Variants in GJA5 observed in about 807,000 individuals in gnomAD.
GJA5 encodes gap junction protein alpha 5.
A neutral mutation model predicts 7.9 loss-of-function variants in GJA5; 3 were observed. The observed-to-expected ratio is 0.38, with a 90% confidence interval of 0.17 to 0.99. The LOEUF (loss-of-function observed/expected upper bound fraction) is 0.99, where lower values mean the gene tolerates loss of function less well. Among genes scored for constraint, GJA5 ranks in the 50% least tolerant of loss-of-function variants. The pLI is 0.38. For missense variants in GJA5, 390 were observed against 457.9 expected (o/e 0.85, Z 1.35); for synonymous variants, 193 against 181.0 (o/e 1.07, Z -0.53).
chr1:147,770,152 C>T (rs1664343984), intron 1 of GJA5, among the ~76,000 whole-genome samples: 2 of 152,114 alleles, frequency 1.3e-5, no homozygotes, highest in East Asian at 1.9e-4. Context: ...GAGTAAGATT[C>T]GGGAAATCCC....
upstream of GJA5, among the ~76,000 whole-genome samples, chr1:147,764,281 C>A (rs2148962157): frequency 6.6e-6 from 1 of 152,320 alleles, no homozygotes; most frequent in East Asian, 1.9e-4. Flanking sequence ...TCTTTGGTGT[C>A]CCCTGAACTC....
Position 147,758,940 on chromosome 1 carries a change from A to C in GJA5, c.299T>G (p.Val100Gly), listed in dbSNP as rs138375318. ...LVYMGHAMHT[V>G]RMQEKRKLRE... ...TAGCTTGCGCTTCTCCTGCATGCGC[A>C]CAGTGTGCATGGCGTGGCCCATGTA... The change falls in exon 2 of 2, where the codon GTG (valine) becomes GGG (glycine). Residue 100 changes from valine (V) to glycine (G), a missense_variant. Physicochemically the swap from Val to Gly is moderately radical, Grantham distance 109. This residue lies in a region of GJA5 where 354 missense variants were observed against 370.9 expected (regional missense o/e 0.95). Coordinates refer to ENST00000579774, the MANE Select transcript of GJA5 (RefSeq NM_181703.4). 28 of 1,614,126 alleles carry C rather than the reference A, an allele frequency of 1.7e-5. No individual in the cohort carries two copies. In the African/African-American group the frequency reaches 2.5e-4, roughly 15 times the overall value.
Position 147,758,590 on chromosome 1 carries a change from G to A in GJA5, c.649C>T (p.Leu217=). 1.2e-6 allele frequency: 2 copies of A among 1,614,116 alleles called. No individual in the cohort carries two copies. The highest frequency in any genetic ancestry group is 1.7e-6 in the Non-Finnish European group (2 of 1,179,980). The stretch of plus-strand genomic sequence containing the variant: ...TCAGCCAGGCTAAGGAGGAGGGACA[G>A]TGCAGCCACAGCCAGCATAAAGACA... ...FIVFMLAVAA[L]SLLLSLAELY... Residue 217 remains leucine, a synonymous_variant, in exon 2 of 2, where the codon CTG becomes TTG. Coordinates refer to ENST00000579774, the MANE Select transcript of GJA5 (RefSeq NM_181703.4).
At chr1:147,765,866 C>A (rs587624521) in intron 1 of GJA5, among the ~76,000 whole-genome samples, 1 of 152,226 alleles carries the variant, frequency 6.6e-6, no homozygotes, top group African/African-American at 2.4e-5. Flanking sequence ...GCAGCATCAA[C>A]TAGGTAGGCT....
intron 1 of GJA5, among the ~76,000 whole-genome samples, chr1:147,769,273 C>T (rs587745675): frequency 1.3e-5 from 2 of 152,340 alleles, no homozygotes; most frequent in African/African-American, 4.8e-5. Context: ...AAACAGCAGG[C>T]TCTGGTGTTC....
In GJA5 at chr1:147,759,296, G is replaced by C. The variant is rs1339851844; in HGVS notation, c.-33-25C>G. On this transcript the variant is annotated intron_variant, in intron 1 of 1. Transcript: ENST00000579774. The stretch of plus-strand genomic sequence containing the variant: ...TCTGCAAATGGGAGAGAGAGAAAGA[G>C]AGAAAAGAAGAAGGATGTTCTGTGA... 2.7e-6 allele frequency: 3 copies of C among 1,119,244 alleles called. No homozygotes were observed. The Admixed American group carries it at 5.0e-5, about 19-fold the overall frequency. The allele number at this position is 1,119,244 out of a possible 1,614,324, so 69.3% of individuals were successfully genotyped here. A position where few individuals can be genotyped will look rare whatever the true frequency, so the allele number is the denominator to read the frequency against.
chr1:147,766,295 A>G (rs1384271483), intron 1 of GJA5, among the ~76,000 whole-genome samples: 6 of 152,196 alleles, frequency 3.9e-5, no homozygotes, highest in Admixed American at 3.3e-4. Context: ...ACAGTGTGGT[A>G]TGTACTTTAT....
At chr1:147,768,831 A>C (rs1664300884) in intron 1 of GJA5, among the ~76,000 whole-genome samples, 1 of 152,236 alleles carries the variant, frequency 6.6e-6, no homozygotes, top group African/African-American at 2.4e-5. Context: ...TAAGTGCCAC[A>C]ACTGGCAAAT....
chr1:147,766,349 A>C (rs2148963256), intron 1 of GJA5, among the ~76,000 whole-genome samples: 1 of 152,320 alleles, frequency 6.6e-6, no homozygotes, highest in African/African-American at 2.4e-5. Flanking sequence ...GTCTCTCAAA[A>C]CACCTAATGC....
chr1:147,762,673 C>T (rs1442547988), upstream of GJA5, among the ~76,000 whole-genome samples: 5 of 152,178 alleles, frequency 3.3e-5, no homozygotes, highest in Admixed American at 1.3e-4. Flanking sequence ...TTCCTGCTGA[C>T]GCTCAGGCAA....
rs1350829557 is a variant in GJA5 at position 147,759,209 on chromosome 1, G to A, written c.30C>T (p.Phe10=). MGDWSFLGN[F]LEEVHKHSTV... is the part of the protein sequence containing the mutation. ...TCGAGTGCTTGTGTACTTCCTCCAG[G>A]AAATTTCCCAGGAAGCTCCAATCGC... The change falls in exon 2 of 2, where the codon TTC becomes TTT. Residue 10 remains phenylalanine (F), a synonymous_variant. Coordinates refer to ENST00000579774, the MANE Select transcript of GJA5 (RefSeq NM_181703.4). The A allele has an allele frequency of 3.1e-6, 5 of 1,613,860 alleles. 1 individual carries two copies. The South Asian group carries it at 3.3e-5, about 11-fold the overall frequency.
chr1:147,772,461 G>A (rs782592116), intron 1 of GJA5, among the ~76,000 whole-genome samples: 4 of 152,172 alleles, frequency 2.6e-5, no homozygotes, highest in Non-Finnish European at 5.9e-5. Flanking sequence ...TATAGATGAG[G>A]AAACCGAGGC....
intron 1 of GJA5, among the ~76,000 whole-genome samples, chr1:147,771,947 G>T (rs1664419955): frequency 6.6e-6 from 1 of 152,212 alleles, no homozygotes; most frequent in Admixed American, 6.5e-5. Flanking sequence ...TGACTCTGGG[G>T]ACAGTGGGTG....
At position 147,758,691 on chromosome 1, in the gene GJA5, T is replaced by G. The variant is rs781975226; in HGVS notation, c.548A>C (p.His183Pro). 6.2e-7 allele frequency: 1 copy of G among 1,614,130 alleles called. No individual in the cohort carries two copies. The highest frequency in any genetic ancestry group is 1.7e-5 in the Admixed American group (1 of 60,036). ...FIYGIFLTTL[H>P]VCRRSPCPHP... ...GGGACAGGGACTCCTGCGGCAGACA[T>G]GCAGGGTGGTCAGGAAGATTCCGTA... Residue 183 changes from histidine (H) to proline (P), a missense_variant, in exon 2 of 2, where the codon CAT (histidine) becomes CCT (proline). His to Pro is a moderately conservative substitution (Grantham distance 77). This residue lies in a region of GJA5 where 354 missense variants were observed against 370.9 expected (regional missense o/e 0.95). Transcript: ENST00000579774.
In GJA5 at chr1:147,757,724, A is replaced by G. The variant is rs782756190; in HGVS notation, c.*438T>C. ...GCAAGTTCCTTGATTCATGCTGTCT[A>G]TTGGCTGGGAACTTTGAGCTCTTCC... On this transcript the variant is annotated 3_prime_UTR_variant, in exon 2 of 2. Coordinates refer to ENST00000579774, the MANE Select transcript of GJA5 (RefSeq NM_181703.4). 1.4e-5 allele frequency: 3 copies of G among 214,608 alleles called. No individual in the cohort carries two copies. Among genetic ancestry groups the G allele is most frequent in the African/African-American group, 4.6e-5 (2 of 43,582 alleles). 13.3% of individuals were successfully genotyped at this position (214,608 alleles called of 1,614,324 possible). A position where few individuals can be genotyped will look rare whatever the true frequency, so the allele number is the denominator to read the frequency against.
Position 147,759,071 on chromosome 1 carries a change from C to T in GJA5, c.168G>A (p.Thr56=). The T allele has an allele frequency of 6.2e-7, 1 of 1,612,926 alleles. No individual in the cohort carries two copies. The change falls in exon 2 of 2, where the codon ACG becomes ACA. Residue 56 remains threonine (T), a synonymous_variant. Coordinates refer to ENST00000579774, the MANE Select transcript of GJA5 (RefSeq NM_181703.4). ...GDEQADFRCD[T]IQPGCQNVCY... ...AGACATTCTGGCAGCCAGGCTGAAT[C>T]GTATCACACCGGAAATCAGCCTGCT...
At position 147,758,861 on chromosome 1, in the gene GJA5, C is replaced by G. The variant is rs112980895; in HGVS notation, c.378G>C (p.Pro126=). ...EVRGSGSYEY[P]VAEKAELSCW... ...AGGACAGTTCTGCCTTCTCTGCCACCGGGTACTCGTAAGAGCCAGAGCCCC... is the reference window on the plus strand; with the variant it reads ...AGGACAGTTCTGCCTTCTCTGCCACGGGGTACTCGTAAGAGCCAGAGCCCC... Residue 126 remains proline (P), a synonymous_variant, in exon 2 of 2, where the codon CCG becomes CCC. Transcript: ENST00000579774. The G allele has an allele frequency of 3.7e-6, 6 of 1,614,106 alleles. No individual in the cohort carries two copies. In the African/African-American group the frequency reaches 6.7e-5, roughly 18 times the overall value.
Position 147,758,945 on chromosome 1 carries a change from G to A in GJA5, c.294C>T (p.His98=), listed in dbSNP as rs1663867452. The part of the protein sequence containing the change: ...PSLVYMGHAM[H]TVRMQEKRKL... ...TGCGCTTCTCCTGCATGCGCACAGT[G>A]TGCATGGCGTGGCCCATGTACACCA... Residue 98 remains histidine, a synonymous_variant, in exon 2 of 2, where the codon CAC becomes CAT. Coordinates refer to ENST00000579774, the MANE Select transcript of GJA5 (RefSeq NM_181703.4). 2.5e-6 allele frequency: 4 copies of A among 1,614,124 alleles called. No individual in the cohort carries two copies. Among genetic ancestry groups the A allele is most frequent in the South Asian group, 2.2e-5 (2 of 91,092 alleles).
rs144645195 is a variant in GJA5 at position 147,770,490 on chromosome 1, T to A, written c.-34+2762A>T. ...AGCAATACCTCCTTGGAATTATATG[T>A]CGTAGGAAGCCTTTCTATTTGATAG... On this transcript the variant is annotated intron_variant, in intron 1 of 1. Coordinates refer to the GJA5 transcript ENST00000430508. Among the ~76,000 whole-genome samples, 1,047 of 152,262 alleles carry A rather than the reference T, an allele frequency of 6.9e-3. 43 individuals are homozygous for A. The highest frequency in any genetic ancestry group is 0.064 in the Admixed American group (977 of 15,292).
Sources: gnomAD v4.1 joint callset for allele counts (sites outside exome capture counted in the v4.1 genomes callset) on GRCh38, gnomAD v4.1.1 for gene constraint, gnomAD v4.1.1 regional missense constraint, MANE v1.5 for transcripts, NCBI Gene and HGNC (gene_info 2026-07-23, HGNC 2026-07-21) for gene names.